Variants in DMD observed in about 807,000 individuals in gnomAD.
The protein encoded by DMD is dystrophin, also known as mutant dystrophin.
A neutral mutation model predicts 330.1 loss-of-function variants in DMD; 63 were observed. The ratio of observed to expected loss-of-function variants is 0.19; its 90% CI spans 0.16 to 0.24. DMD has a LOEUF of 0.24. DMD is among the 10% of genes least tolerant of loss of function. DMD has a pLI of 1.00. For missense variants in DMD, 3,344 were observed against 2,684.1 expected, an observed-to-expected ratio of 1.25 and a Z score of -5.43; for synonymous variants, 1,223 against 959.8, an observed-to-expected ratio of 1.27 and a Z score of -5.07.
intron 56 of DMD, among the ~76,000 whole-genome samples, chrX:31,498,663 C>G (rs1485521727): frequency 8.9e-6 from 1 of 112,182 alleles, no homozygotes; most frequent in Non-Finnish European, 1.9e-5. Context: ...GGTAGATTTA[C>G]AGGTGATTTA....
At chrX:31,480,854 A>G (rs2068227838) in intron 57 of DMD, among the ~76,000 whole-genome samples, 1 of 111,735 alleles carries the variant, frequency 8.9e-6, no homozygotes, top group Admixed American at 9.6e-5. Context: ...GAAGAGTCAG[A>G]CACGTAAATA....
chrX:31,905,829 G>A (rs7890762), intron 47 of DMD, among the ~76,000 whole-genome samples: 43,123 of 111,346 alleles, frequency 0.39, 8,468 homozygotes, highest in African/African-American at 0.77. Flanking sequence ...TAGAAATGAC[G>A]AATAATAGTT....
At chrX:31,721,724 A>ATC (rs1569293659) in intron 52 of DMD, among the ~76,000 whole-genome samples, 8 of 65,780 alleles carry the variant, frequency 1.2e-4, no homozygotes, top group South Asian at 8.5e-4. Flanking sequence ...CTCTCTATAT[A>ATC]TATATATATA....
intron 13 of DMD, among the ~76,000 whole-genome samples, chrX:32,589,312 G>A (rs2054625794): frequency 9.0e-6 from 1 of 111,244 alleles, no homozygotes; most frequent in South Asian, 3.7e-4. Context: ...ATTAGTTCAT[G>A]TAATCTAGAC....
chrX:33,097,459 C>T (rs2094147), intron 1 of DMD, among the ~76,000 whole-genome samples: 47,642 of 109,477 alleles, frequency 0.44, 8,504 homozygotes, highest in Non-Finnish European at 0.55. Context: ...TTTGTTGATA[C>T]AGATGTTACT....
At chrX:33,332,858 A>G (rs1471373910) in intron 1 of DMD, among the ~76,000 whole-genome samples, 1 of 111,485 alleles carries the variant, frequency 9.0e-6, no homozygotes, top group East Asian at 2.8e-4. Context: ...ATTTTCAAAT[A>G]AGCAGTACTA....
intron 50 of DMD, among the ~76,000 whole-genome samples, chrX:31,793,535 T>G (rs1000505309): frequency 8.9e-6 from 1 of 111,990 alleles, no homozygotes; most frequent in African/African-American, 3.3e-5. Context: ...AAACCTAACC[T>G]ACTGAACATC....
intron 16 of DMD, among the ~76,000 whole-genome samples, chrX:32,560,899 T>A (rs1435238903): frequency 8.9e-6 from 1 of 112,117 alleles, no homozygotes; most frequent in Admixed American, 9.5e-5. Flanking sequence ...GCAATTAACA[T>A]ACAAATGCAT....
intron 63 of DMD, among the ~76,000 whole-genome samples, chrX:31,228,761 A>C (rs1323631190): frequency 1.8e-5 from 2 of 112,052 alleles, no homozygotes; most frequent in African/African-American, 6.5e-5. Context: ...ACTCAAGAGG[A>C]GTGAGACTAT....
rs370969065 is a variant in DMD, at chrX:32,154,134, A to C, written c.6438+62782T>G. Among the ~76,000 whole-genome samples, 5 of 111,748 alleles carry C rather than the reference A, an allele frequency of 4.5e-5. No homozygotes were observed. In the East Asian group the frequency reaches 1.4e-3, roughly 31 times the overall value. On this transcript the variant is annotated intron_variant, in intron 44 of 78. Transcript: ENST00000357033. Reference sequence around the variant, plus strand: ...CATTCAAATGTGCAACAGAGAACCCATAACTGTTTTCCCTTTATTAAAACA... The same window carrying C: ...CATTCAAATGTGCAACAGAGAACCCCTAACTGTTTTCCCTTTATTAAAACA...
intron 53 of DMD, among the ~76,000 whole-genome samples, chrX:31,672,614 T>C (rs1162956724): frequency 8.9e-6 from 1 of 112,353 alleles, no homozygotes; most frequent in African/African-American, 3.2e-5. Flanking sequence ...GATTGGATTA[T>C]CCCATTTACC....
chrX:31,667,209 T>C (rs966095446), intron 53 of DMD, among the ~76,000 whole-genome samples: 13 of 111,965 alleles, frequency 1.2e-4, no homozygotes, highest in African/African-American at 3.2e-4. Flanking sequence ...CTGGATTCCA[T>C]CACTTAGCAT....
intron 62 of DMD, chrX:31,266,717 T>TC: frequency 1.1e-6 from 1 of 939,829 alleles, no homozygotes; most frequent in East Asian, 3.3e-5. Context: ...GCCGCGCCTG[T>TC]CCAAGTTTTG....
chrX:32,156,587 G>C (rs73219231), intron 44 of DMD, among the ~76,000 whole-genome samples: 1 of 106,801 alleles, frequency 9.4e-6, no homozygotes, highest in Non-Finnish European at 1.9e-5. Flanking sequence ...ATCATCAGCT[G>C]TACAGGTGTG....
chrX:32,054,088 TGAGAGAGAGAGAGAGAGAGA>T lies in DMD; in HGVS notation c.6439-85594_6439-85575del, dbSNP rs751524877. On this transcript the variant is annotated intron_variant, in intron 44 of 78. Transcript: ENST00000357033. ...TGTGGGGTATGTGTGTGTGTGTGTGTGAGAGAGAGAGAGAGAGAGAGAGAGAGAGAGAGAGAGAGAGAGAG... is the reference window on the plus strand; with the variant it reads ...TGTGGGGTATGTGTGTGTGTGTGTGTGAGAGAGAGAGAGAGAGAGAGAGAG... Among the ~76,000 whole-genome samples the T allele has an allele frequency of 1.2e-3, 81 of 69,559 alleles. 1 individual carries two copies. Among genetic ancestry groups the T allele is most frequent in the Admixed American group, 4.6e-3 (27 of 5,870 alleles). The allele number at this position is 69,559 out of a possible 115,157, so 60.4% of individuals were successfully genotyped here. A position where few individuals can be genotyped will look rare whatever the true frequency, so the allele number is the denominator to read the frequency against.
intron 30 of DMD, among the ~76,000 whole-genome samples, chrX:32,404,670 A>G (rs1297208420): frequency 1.8e-5 from 2 of 111,480 alleles, no homozygotes; most frequent in African/African-American, 6.5e-5. Flanking sequence ...TCAAAACTAA[A>G]ATTAGTAGAA....
chrX:31,953,940 G>T (rs1184757631), intron 45 of DMD, among the ~76,000 whole-genome samples: 1 of 111,200 alleles, frequency 9.0e-6, no homozygotes. Context: ...TTATGTAATG[G>T]CCAACCTGAA....
chrX:32,973,216 G>A (rs1234039381), intron 2 of DMD, among the ~76,000 whole-genome samples: 2 of 111,983 alleles, frequency 1.8e-5, no homozygotes, highest in Admixed American at 1.9e-4. Flanking sequence ...GAATGCAATG[G>A]TTTATTCTCG....
chrX:32,152,318 G>GT (rs1481924494), intron 44 of DMD, among the ~76,000 whole-genome samples: 4 of 111,431 alleles, frequency 3.6e-5, no homozygotes, highest in African/African-American at 1.3e-4. Flanking sequence ...TGCAAATGCT[G>GT]TAACTATTAT....
Sources: gnomAD v4.1 joint callset for allele counts (sites outside exome capture counted in the v4.1 genomes callset) on GRCh38, gnomAD v4.1.1 for gene constraint, MANE v1.5 for transcripts, NCBI Gene and HGNC (gene_info 2026-07-23, HGNC 2026-07-21) for gene names.